The following CLYBL variants were observed in gnomAD, a reference collection of about 807,000 sequenced individuals.
CLYBL encodes citramalyl-CoA lyase, mitochondrial.
Under a neutral mutation model 38.9 loss-of-function variants are expected in CLYBL, and 31 were observed. That is an observed-to-expected ratio of 0.80 (90% CI 0.60 to 1.08). The LOEUF (loss-of-function observed/expected upper bound fraction) is 1.08, where lower values mean the gene tolerates loss of function less well. Ranked by LOEUF, CLYBL falls within the 50% of genes least tolerant of loss-of-function variation. The pLI, the probability that CLYBL is intolerant of heterozygous loss-of-function variation, is 0.00. For missense variants in CLYBL, 434 were observed against 411.6 expected, an observed-to-expected ratio of 1.05 and a Z score of -0.47; for synonymous variants, 171 against 158.6, an observed-to-expected ratio of 1.08 and a Z score of -0.59.
intron 1 of CLYBL, among the ~76,000 whole-genome samples, chr13:99,680,263 G>A (rs1310350192): frequency 6.6e-6 from 1 of 152,052 alleles, no homozygotes; most frequent in Non-Finnish European, 1.5e-5. Flanking sequence ...ACTTCTCTGT[G>A]GTTTTGCCTG....
chr13:99,731,349 A>G (rs2250311), intron 1 of CLYBL, among the ~76,000 whole-genome samples: 8,634 of 151,146 alleles, frequency 0.057, 314 homozygotes, highest in East Asian at 0.11. Flanking sequence ...AAAAAAAAAA[A>G]GCGGCTGAGC....
Position 99,864,922 on chromosome 13 carries a change from C to T in CLYBL, c.634+11C>T. 1 of 1,566,860 alleles carries T rather than the reference C, an allele frequency of 6.4e-7. No homozygotes were observed. Among genetic ancestry groups the T allele is most frequent in the Non-Finnish European group, 8.8e-7 (1 of 1,140,438 alleles). On this transcript the variant is annotated intron_variant, in intron 5 of 8. Coordinates refer to ENST00000339105, the MANE Select transcript of CLYBL (RefSeq NM_206808.5). ...TTCGAGCCAGCATAGGTGTCAAAGA[C>T]ATCTCTCTCTCTCTTTTTCTGTGTG...
intron 1 of CLYBL, among the ~76,000 whole-genome samples, chr13:99,710,126 G>GTTTTAGCCGGGA (rs997372707): frequency 2.0e-5 from 3 of 151,672 alleles, no homozygotes; most frequent in Non-Finnish European, 2.9e-5. Flanking sequence ...GGGTTTCACC[G>GTTTTAGCCGGGA]TGGTCTCGAT....
intron 1 of CLYBL, among the ~76,000 whole-genome samples, chr13:99,711,403 CTTTTTTTTTTTT>C (rs71215540): frequency 2.4e-5 from 2 of 83,206 alleles, no homozygotes; most frequent in Non-Finnish European, 4.3e-5. Context: ...GGGAGTCCGT[CTTTTTTTTTTTT>C]TTTTTTTTTT....
chr13:99,640,684 G>A (rs566862491), intron 1 of CLYBL, among the ~76,000 whole-genome samples: 6 of 152,354 alleles, frequency 3.9e-5, no homozygotes, highest in African/African-American at 1.4e-4. Context: ...TTGAGTGTGG[G>A]TTTCAAGTTG....
intron 2 of CLYBL, among the ~76,000 whole-genome samples, chr13:99,841,668 G>C (rs941220750): frequency 6.6e-6 from 1 of 152,194 alleles, no homozygotes; most frequent in Non-Finnish European, 1.5e-5. Context: ...CCAAAGTGCC[G>C]GCATCACAGG....
In CLYBL at chr13:99,691,220, T is replaced by C. The variant is rs1346505186; in HGVS notation, c.63-81604T>C. ...TTCCAATGAACTGAAACAAAAAGCT[T>C]AAGCATTACTTTTTATTTCCTTGAT... On this transcript the variant is annotated intron_variant, in intron 1 of 8. Coordinates refer to ENST00000339105, the MANE Select transcript of CLYBL (RefSeq NM_206808.5). 2.0e-5 allele frequency among the ~76,000 whole-genome samples: 3 copies of C among 152,224 alleles called. 1 individual carries two copies. In the East Asian group the frequency reaches 5.8e-4, roughly 29 times the overall value.
chr13:99,619,839 TCAGAA>T (rs1447821724), intron 1 of CLYBL, among the ~76,000 whole-genome samples: 1 of 152,198 alleles, frequency 6.6e-6, no homozygotes, highest in African/African-American at 2.4e-5. Context: ...CTTGGGGAAT[TCAGAA>T]ATAAAAAGTA....
chr13:99,682,898 G>A (rs1319474030), intron 1 of CLYBL, among the ~76,000 whole-genome samples: 2 of 151,546 alleles, frequency 1.3e-5, no homozygotes, highest in Admixed American at 6.6e-5. Context: ...CACCACGCCC[G>A]GCTAATTTTT....
At chr13:99,885,421 G>T (rs1024888594) in intron 7 of CLYBL, among the ~76,000 whole-genome samples, 3 of 152,130 alleles carry the variant, frequency 2.0e-5, no homozygotes, top group African/African-American at 7.2e-5. Context: ...GAGGCTGAGG[G>T]GGGAGGGTCC....
chr13:99,719,881 G>A lies in CLYBL; in HGVS notation c.63-52943G>A, dbSNP rs185643770. Among the ~76,000 whole-genome samples the A allele has an allele frequency of 2.2e-3, 336 of 151,980 alleles. 1 individual carries two copies. Among genetic ancestry groups the A allele is most frequent in the Non-Finnish European group, 4.3e-3 (289 of 67,948 alleles). On this transcript the variant is annotated intron_variant, in intron 1 of 8. Coordinates refer to ENST00000339105, the MANE Select transcript of CLYBL (RefSeq NM_206808.5). ...CATTCTGTGTCCTTCTGTTTTAGGT[G>A]TATCTTTTATAAACAGTATTAAATT...
At chr13:99,646,253 T>G (rs2047174095) in intron 1 of CLYBL, among the ~76,000 whole-genome samples, 1 of 152,182 alleles carries the variant, frequency 6.6e-6, no homozygotes, top group Admixed American at 6.5e-5. Context: ...TACTTGTACC[T>G]TAAGCAGTCA....
intron 7 of CLYBL, among the ~76,000 whole-genome samples, chr13:99,888,515 C>T (rs879420084): frequency 8.0e-4 from 121 of 152,110 alleles, no homozygotes; most frequent in East Asian, 6.2e-3. Context: ...TTTGGGAGGC[C>T]GAGGTGGGCA....
intron 1 of CLYBL, among the ~76,000 whole-genome samples, chr13:99,665,793 G>C (rs1021029838): frequency 1.3e-5 from 2 of 152,154 alleles, no homozygotes. Flanking sequence ...CGTCAAAATG[G>C]TCAAACTGTT....
chr13:99,795,222 G>T (rs1053497722), intron 2 of CLYBL, among the ~76,000 whole-genome samples: 1 of 152,200 alleles, frequency 6.6e-6, no homozygotes, highest in Non-Finnish European at 1.5e-5. Context: ...ATGTAATGCA[G>T]TTGTGTTAGC....
chr13:99,804,218 G>A (rs529030606), intron 2 of CLYBL, among the ~76,000 whole-genome samples: 44 of 152,380 alleles, frequency 2.9e-4, no homozygotes, highest in African/African-American at 1.1e-3. Context: ...CTTCCCAGCA[G>A]CCACTCATCA....
intron 2 of CLYBL, among the ~76,000 whole-genome samples, chr13:99,830,242 T>C (rs936427880): frequency 7.9e-5 from 12 of 152,156 alleles, no homozygotes; most frequent in African/African-American, 2.7e-4. Context: ...ATGAAAGATA[T>C]TTATTAGGCC....
At chr13:99,677,903 C>T (rs2047677235) in intron 1 of CLYBL, among the ~76,000 whole-genome samples, 1 of 152,136 alleles carries the variant, frequency 6.6e-6, no homozygotes, top group South Asian at 2.1e-4. Flanking sequence ...AAATCCTTGA[C>T]TACATAAAAT....
intron 1 of CLYBL, among the ~76,000 whole-genome samples, chr13:99,736,848 A>C (rs181512753): frequency 2.0e-5 from 3 of 152,138 alleles, no homozygotes; most frequent in African/African-American, 7.2e-5. Context: ...CTGGACCTCA[A>C]CTTCCCCCAA....
Sources: allele counts gnomAD v4.1 joint callset (sites outside exome capture counted in the v4.1 genomes callset), GRCh38; gene constraint gnomAD v4.1.1; transcripts MANE v1.5; gene names NCBI Gene and HGNC (gene_info 2026-07-23, HGNC 2026-07-21).